Variants in SPAG9 observed in about 807,000 individuals in gnomAD.
SPAG9 encodes the protein C-Jun-amino-terminal kinase-interacting protein 4.
Under a neutral mutation model 166.5 loss-of-function variants are expected in SPAG9, and 35 were observed. The observed-to-expected ratio is 0.21, with a 90% CI of 0.16 to 0.28. The LOEUF is 0.28. SPAG9 is among the 10% of genes least tolerant of loss of function. SPAG9 has a pLI of 1.00. For missense variants in SPAG9, 1,235 were observed against 1,603.3 expected (o/e 0.77, Z 3.92); for synonymous variants, 534 against 565.5 (o/e 0.94, Z 0.79).
intron 6 of SPAG9, among the ~76,000 whole-genome samples, chr17:51,022,373 A>G (rs1287379365): frequency 6.6e-6 from 1 of 152,184 alleles, no homozygotes; most frequent in Non-Finnish European, 1.5e-5. Context: ...TTACATACTC[A>G]TTGAAATTTG....
rs745474201 is a variant in SPAG9, at chr17:51,079,623, T to C, written c.385A>G (p.Arg129Gly). The change falls in exon 2 of 30, where the codon AGA becomes GGA. Residue 129 changes from arginine (R) to glycine (G), a missense_variant. Physicochemically the swap from Arg to Gly is moderately radical, Grantham distance 125. This residue lies in a region of SPAG9 where 288 missense variants were observed against 323.7 expected (regional missense o/e 0.89). Coordinates refer to ENST00000262013, the MANE Select transcript of SPAG9 (RefSeq NM_001130528.3). The part of the protein sequence containing the change: ...TRVESLESQT[R>G]QLELKAKNYA... Reference sequence around the variant, plus strand: ...TTTTTCGCTTTCAGCTCAAGTTGTCTTGTTTGAGATTCTAAAGATTCCACT... The same window carrying C: ...TTTTTCGCTTTCAGCTCAAGTTGTCCTGTTTGAGATTCTAAAGATTCCACT... The C allele has an allele frequency of 6.2e-7, 1 of 1,613,960 alleles. No individual in the cohort carries two copies. The highest frequency in any genetic ancestry group is 8.5e-7 in the Non-Finnish European group (1 of 1,179,852).
chr17:51,104,721 CAGG>C (rs1182205926), intron 1 of SPAG9, among the ~76,000 whole-genome samples: 2 of 151,908 alleles, frequency 1.3e-5, no homozygotes, highest in African/African-American at 4.8e-5. Flanking sequence ...ATCACGAGGT[CAGG>C]AGATCGAGAC....
chr17:51,103,547 A>T (rs1420096769), intron 1 of SPAG9, among the ~76,000 whole-genome samples: 1 of 152,228 alleles, frequency 6.6e-6, no homozygotes, highest in Non-Finnish European at 1.5e-5. Flanking sequence ...TGGCTCAAAA[A>T]GAAACAGATG....
At chr17:51,065,875 C>CTA (rs2047648703) in intron 2 of SPAG9, among the ~76,000 whole-genome samples, 1 of 152,160 alleles carries the variant, frequency 6.6e-6, no homozygotes, top group South Asian at 2.1e-4. Flanking sequence ...AACTTAGAAG[C>CTA]TATAAAGGGG....
At chr17:51,020,081 C>T (rs2045880311) in intron 8 of SPAG9, 78 bp downstream of exon 8, 1 of 793,226 alleles carries the variant, frequency 1.3e-6, no homozygotes, top group Non-Finnish European at 2.2e-6. Flanking sequence ...TCCATTTTGT[C>T]CAGAGACTGG....
In SPAG9 at chr17:50,995,483, G is replaced by A. The variant is rs994065721; in HGVS notation, c.2019C>T (p.Val673=). The A allele has an allele frequency of 1.9e-6, 3 of 1,611,328 alleles. No individual in the cohort carries two copies. Among genetic ancestry groups the A allele is most frequent in the East Asian group, 2.2e-5 (1 of 44,882 alleles). ...ENKMKNLPVP[V]YLRPLDEKDT... Reference sequence around the variant, plus strand: ...CTTTTTCATCCAGAGGTCTGAGATAGACAGGCACAGGTAAATTTTTCATCT... The same window carrying A: ...CTTTTTCATCCAGAGGTCTGAGATAAACAGGCACAGGTAAATTTTTCATCT... Residue 673 remains valine, a synonymous_variant, in exon 17 of 30, where the codon GTC becomes GTT. Transcript: ENST00000262013.
At chr17:50,975,906 A>C in intron 27 of SPAG9, 1 of 1,535,206 alleles carries the variant, frequency 6.5e-7, no homozygotes, top group South Asian at 1.2e-5. Flanking sequence ...TTACGGCTAA[A>C]GTGAGAAAGG....
chr17:51,076,039 G>A (rs2047959680), intron 2 of SPAG9, among the ~76,000 whole-genome samples: 1 of 151,820 alleles, frequency 6.6e-6, no homozygotes, highest in South Asian at 2.1e-4. Flanking sequence ...AGGTTGCAGT[G>A]AGCCAAGATC....
chr17:51,114,860 G>A (rs372243584), intron 1 of SPAG9, among the ~76,000 whole-genome samples: 19 of 151,566 alleles, frequency 1.3e-4, no homozygotes, highest in African/African-American at 4.4e-4. Context: ...GCTGAGGCAG[G>A]AGAATTGCTT....
chr17:51,094,227 C>A lies in SPAG9; in HGVS notation c.304-14523G>T, dbSNP rs569813576. On this transcript the variant is annotated intron_variant, in intron 1 of 29. Transcript: ENST00000262013. The stretch of plus-strand genomic sequence containing the variant: ...TATCCAGGCACACAAAGCTTCCAAC[C>A]CTCCTTTTTTAGTGTCTCACTTTTA... Among the ~76,000 whole-genome samples, 130 of 152,262 alleles carry A rather than the reference C, an allele frequency of 8.5e-4. No homozygotes were observed. In the South Asian group the frequency reaches 0.025, roughly 30 times the overall value.
intron 13 of SPAG9, among the ~76,000 whole-genome samples, chr17:51,000,206 G>C (rs529973888): frequency 1.3e-5 from 2 of 152,182 alleles, no homozygotes; most frequent in South Asian, 2.1e-4. Context: ...GCAGGGAAGA[G>C]GATAAACTGG....
At chr17:51,074,868 C>G (rs956021872) in intron 2 of SPAG9, among the ~76,000 whole-genome samples, 1 of 152,004 alleles carries the variant, frequency 6.6e-6, no homozygotes, top group African/African-American at 2.4e-5. Flanking sequence ...TTGACATACT[C>G]AAACAGTCCC....
At chr17:51,013,630 A>G (rs1362127814) in intron 9 of SPAG9, among the ~76,000 whole-genome samples, 1 of 152,222 alleles carries the variant, frequency 6.6e-6, no homozygotes, top group East Asian at 1.9e-4. Context: ...CAAAGAAATT[A>G]AGGTCCAAAA....
intron 2 of SPAG9, among the ~76,000 whole-genome samples, chr17:51,075,195 C>CAAAAAAAAAAAAAAAAAAAAAAAA (rs57533555): frequency 3.5e-5 from 1 of 28,950 alleles, no homozygotes; most frequent in Non-Finnish European, 6.4e-5. Flanking sequence ...GACTCCATCT[C>CAAAAAAAAAAAAAAAAAAAAAAAA]AAAAAAAAAA....
intron 1 of SPAG9, among the ~76,000 whole-genome samples, chr17:51,107,059 G>A (rs1253935335): frequency 1.3e-5 from 2 of 148,810 alleles, no homozygotes; most frequent in Non-Finnish European, 3.0e-5. Context: ...CCAAGATCCC[G>A]CCACTGCACT....
At chr17:51,114,183 G>A (rs985694852) in intron 1 of SPAG9, among the ~76,000 whole-genome samples, 2 of 151,986 alleles carry the variant, frequency 1.3e-5, no homozygotes, top group Admixed American at 6.6e-5. Flanking sequence ...AAAATTAGCC[G>A]GGCGTGCTGG....
chr17:51,092,731 TAG>T (rs1568080425), intron 1 of SPAG9, among the ~76,000 whole-genome samples: 1 of 117,532 alleles, frequency 8.5e-6, no homozygotes, highest in Non-Finnish European at 1.7e-5. Flanking sequence ...CTGGGGAACA[TAG>T]AGAGACCCTT....
intron 1 of SPAG9, among the ~76,000 whole-genome samples, chr17:51,095,058 G>A (rs998126644): frequency 6.6e-6 from 1 of 152,132 alleles, no homozygotes; most frequent in Non-Finnish European, 1.5e-5. Context: ...CACTTCGGGA[G>A]GCCGAGGTGC....
chr17:51,070,520 G>A lies in SPAG9; in HGVS notation c.424+9064C>T, dbSNP rs573782030. Among the ~76,000 whole-genome samples, 11 of 152,216 alleles carry A rather than the reference G, an allele frequency of 7.2e-5. No individual in the cohort carries two copies. The East Asian group carries it at 2.1e-3, about 29-fold the overall frequency. The stretch of plus-strand genomic sequence containing the variant: ...TTGTAGATGTAAAAAAATATTTACT[G>A]CAATATGATTCAGTATACCAGAAAA... On this transcript the variant is annotated intron_variant, in intron 2 of 29. Transcript: ENST00000262013.
Sources: gnomAD v4.1 joint callset for allele counts (sites outside exome capture counted in the v4.1 genomes callset) on GRCh38, gnomAD v4.1.1 for gene constraint, gnomAD v4.1.1 regional missense constraint, MANE v1.5 for transcripts, NCBI Gene and HGNC (gene_info 2026-07-23, HGNC 2026-07-21) for gene names.